Variants in RBM6 observed in about 807,000 individuals in gnomAD.
The protein encoded by RBM6 is RNA binding motif protein 6, also known as RNA-binding protein 6.
A neutral mutation model predicts 140.4 loss-of-function variants in RBM6; 23 were observed. The observed-to-expected ratio is 0.16, with a 90% CI of 0.12 to 0.23. The LOEUF is 0.23. Ranked by LOEUF, RBM6 falls within the 10% of genes least tolerant of loss-of-function variation. RBM6 has a pLI of 1.00. For synonymous variants in RBM6, 439 were observed against 475.6 expected (o/e 0.92, Z 1.00); for missense variants, 1,139 against 1,386.7 (o/e 0.82, Z 2.84).
At chr3:50,076,587 C>CA (rs972135584) in intron 20 of RBM6, among the ~76,000 whole-genome samples, 8 of 140,786 alleles carry the variant, frequency 5.7e-5, no homozygotes, top group East Asian at 4.3e-4. Context: ...GACTCTGTCT[C>CA]AAAAAAAAAA....
At position 49,999,431 on chromosome 3, in the gene RBM6, T is replaced by C. The variant is rs201026641; in HGVS notation, c.1484-9T>C. ...ACCACTCCCGTCTGTATTTAAATGC[T>C]GTCCCCAGGTTACGACTATGGCTAT... On this transcript the variant is annotated splice_polypyrimidine_tract_variant and intron_variant, in intron 5 of 20. Transcript: ENST00000266022. 7.4e-6 allele frequency: 12 copies of C among 1,611,642 alleles called. No individual in the cohort carries two copies. In the East Asian group the frequency reaches 2.2e-4, roughly 30 times the overall value.
intron 1 of RBM6, among the ~76,000 whole-genome samples, chr3:49,953,386 A>C (rs922265216): frequency 6.6e-6 from 1 of 151,296 alleles, no homozygotes; most frequent in Non-Finnish European, 1.5e-5. Flanking sequence ...CGCCCAGCTA[A>C]TTTTTGTATT....
chr3:50,042,185 A>G (rs1192857137), intron 6 of RBM6, among the ~76,000 whole-genome samples: 2 of 152,228 alleles, frequency 1.3e-5, no homozygotes, highest in African/African-American at 4.8e-5. Flanking sequence ...CTGTGTTTGG[A>G]AGAAACACAA....
At chr3:49,948,629 T>C in intron 1 of RBM6, among the ~76,000 whole-genome samples, 1 of 151,114 alleles carries the variant, frequency 6.6e-6, no homozygotes, top group East Asian at 2.0e-4. Flanking sequence ...GGAGGATCAC[T>C]TGAACCCAGG....
intron 5 of RBM6, among the ~76,000 whole-genome samples, chr3:49,991,376 T>A (rs988496069): frequency 6.6e-6 from 1 of 152,264 alleles, no homozygotes; most frequent in East Asian, 1.9e-4. Context: ...AGTGGGTGAT[T>A]TGCTCAAGCC....
chr3:50,071,772 G>A (rs1325699741), intron 19 of RBM6, among the ~76,000 whole-genome samples: 1 of 152,170 alleles, frequency 6.6e-6, no homozygotes, highest in Non-Finnish European at 1.5e-5. Flanking sequence ...GGAGGAGAAG[G>A]GACAGTAAAG....
chr3:49,967,188 C>T lies in RBM6; in HGVS notation c.45-282C>T. On this transcript the variant is annotated intron_variant, in intron 2 of 20. Coordinates refer to ENST00000266022, the MANE Select transcript of RBM6 (RefSeq NM_005777.3). The surrounding 1 kb of genome is among the most constrained non-coding windows in gnomAD (Gnocchi z 4.0). ...AGCTTATTTGGTATTGCGGATTTTC[C>T]CTGTTGCAGGACTGGGTGAAAGCTT... The T allele has an allele frequency of 8.7e-7, 1 of 1,153,650 alleles. No individual in the cohort carries two copies. The highest frequency in any genetic ancestry group is 1.1e-6 in the Non-Finnish European group (1 of 935,408). 71.5% of individuals were successfully genotyped at this position (1,153,650 alleles called of 1,614,324 possible).
At chr3:49,971,620 C>T (rs2084797950) in intron 3 of RBM6, among the ~76,000 whole-genome samples, 1 of 152,002 alleles carries the variant, frequency 6.6e-6, no homozygotes, top group Non-Finnish European at 1.5e-5. Context: ...TCACTGAAAC[C>T]TCTGCCTCCC....
intron 1 of RBM6, among the ~76,000 whole-genome samples, chr3:49,959,518 TGAAA>T (rs2084182011): frequency 6.7e-6 from 1 of 150,348 alleles, no homozygotes. Context: ...CCCTATTTTT[TGAAA>T]GACAGTGTTG....
At chr3:49,979,844 G>A (rs1030442782) in intron 5 of RBM6, among the ~76,000 whole-genome samples, 32 of 152,124 alleles carry the variant, frequency 2.1e-4, no homozygotes, top group African/African-American at 5.8e-4. Context: ...AAATAGTGGT[G>A]GCCAGGGTAT....
intron 10 of RBM6, among the ~76,000 whole-genome samples, chr3:50,059,134 T>C (rs1013175402): frequency 6.6e-6 from 1 of 152,196 alleles, no homozygotes; most frequent in African/African-American, 2.4e-5. Flanking sequence ...ATCTGAGTAC[T>C]GAATCCTTCA....
chr3:49,989,224 G>A (rs890203850), intron 5 of RBM6, among the ~76,000 whole-genome samples: 5 of 152,068 alleles, frequency 3.3e-5, no homozygotes, highest in Admixed American at 6.6e-5. Flanking sequence ...ATATTATATT[G>A]TACTCCATGC....
At chr3:50,012,308 G>A (rs573299537) in intron 6 of RBM6, among the ~76,000 whole-genome samples, 85 of 151,670 alleles carry the variant, frequency 5.6e-4, no homozygotes, top group Non-Finnish European at 1.0e-3. Context: ...TTGGTTTCCC[G>A]AAGTGCTGGG....
chr3:49,955,146 ATTTTTTTTTCTTTCTT>A (rs2083916201), intron 1 of RBM6, among the ~76,000 whole-genome samples: 1 of 66,470 alleles, frequency 1.5e-5, no homozygotes, highest in African/African-American at 5.8e-5. Flanking sequence ...GCCGCATAGT[ATTTTTTTTTCTTTCTT>A]TTTTTTTTTT....
chr3:50,070,250 G>A (rs943322637), intron 18 of RBM6, among the ~76,000 whole-genome samples: 2 of 152,120 alleles, frequency 1.3e-5, no homozygotes, highest in African/African-American at 2.4e-5. Context: ...AGCTACTTGG[G>A]AGGCTGAGGC....
chr3:50,037,149 C>T (rs1340039337), intron 6 of RBM6, among the ~76,000 whole-genome samples: 1 of 152,052 alleles, frequency 6.6e-6, no homozygotes, highest in Non-Finnish European at 1.5e-5. Context: ...CCTGTAATTC[C>T]AGCCCTTTGG....
chr3:49,960,197 C>T (rs2084222367), intron 1 of RBM6, among the ~76,000 whole-genome samples: 1 of 152,114 alleles, frequency 6.6e-6, no homozygotes, highest in Non-Finnish European at 1.5e-5. Context: ...CTGCTTTGCT[C>T]TTTGAGGGAG....
chr3:49,993,528 G>A (rs1254773109), intron 5 of RBM6, among the ~76,000 whole-genome samples: 4 of 152,094 alleles, frequency 2.6e-5, no homozygotes, highest in African/African-American at 7.2e-5. Context: ...TGTAAACCTA[G>A]CTACTCAGGA....
chr3:50,018,184 T>G (rs1423789531), intron 6 of RBM6, among the ~76,000 whole-genome samples: 1 of 152,224 alleles, frequency 6.6e-6, no homozygotes, highest in Non-Finnish European at 1.5e-5. Flanking sequence ...CTGTTTGTTC[T>G]TTCCTCTTGC....
Sources: gnomAD v4.1 joint callset for allele counts (sites outside exome capture counted in the v4.1 genomes callset) on GRCh38, gnomAD v4.1.1 for gene constraint, Gnocchi (gnomAD v3.1) non-coding constraint, MANE v1.5 for transcripts, NCBI Gene and HGNC (gene_info 2026-07-23, HGNC 2026-07-21) for gene names.